The following CCDC122 variants were observed in gnomAD, a reference collection of about 807,000 sequenced individuals.
CCDC122 encodes the protein coiled-coil domain-containing protein 122.
A neutral mutation model predicts 37.0 loss-of-function variants in CCDC122; 38 were observed. The observed-to-expected ratio is 1.03, with a 90% confidence interval of 0.79 to 1.35. The LOEUF (loss-of-function observed/expected upper bound fraction) is 1.35, where lower values mean the gene tolerates loss of function less well. Among genes scored for constraint, CCDC122 ranks in the 40% most tolerant of loss-of-function variants. CCDC122 has a pLI of 0.00. For missense variants in CCDC122, 305 were observed against 310.0 expected (o/e 0.98, Z 0.12); for synonymous variants, 83 against 95.6 (o/e 0.87, Z 0.77).
intron 6 of CCDC122, among the ~76,000 whole-genome samples, chr13:43,839,894 A>G (rs1416576783): frequency 1.3e-5 from 2 of 152,226 alleles, no homozygotes; most frequent in African/African-American, 4.8e-5. Flanking sequence ...GCAGATTCAG[A>G]GACTCCAGGG....
At chr13:43,869,864 T>C (rs1220318906) in intron 2 of CCDC122, among the ~76,000 whole-genome samples, 1 of 152,104 alleles carries the variant, frequency 6.6e-6, no homozygotes, top group African/African-American at 2.4e-5. Context: ...ATATCAATAA[T>C]GATTAACAAT....
In CCDC122 at chr13:43,858,962, TCA is replaced by T. The variant is rs916919768; in HGVS notation, c.556-67_556-66del. On this transcript the variant is annotated intron_variant, in intron 5 of 6. Transcript: ENST00000444614. Reference sequence around the variant, plus strand: ...GGATGATCAATATAAATCCAATTTTTCAGTGTTTCTATAATTTAAGAAAACTA... The same window carrying T: ...GGATGATCAATATAAATCCAATTTTTGTGTTTCTATAATTTAAGAAAACTA... 8.1e-6 allele frequency: 10 copies of T among 1,229,156 alleles called. No individual in the cohort carries two copies. In the Admixed American group the frequency reaches 3.5e-4, roughly 43 times the overall value. 76.1% of individuals were successfully genotyped at this position (1,229,156 alleles called of 1,614,324 possible).
intron 4 of CCDC122, among the ~76,000 whole-genome samples, chr13:43,866,125 C>T (rs1052789270): frequency 6.6e-6 from 1 of 152,130 alleles, no homozygotes; most frequent in African/African-American, 2.4e-5. Context: ...CAGGACAATG[C>T]GAGATTTCAT....
intron 3 of CCDC122, among the ~76,000 whole-genome samples, chr13:43,824,844 T>C (rs1236146170): frequency 6.6e-6 from 1 of 152,202 alleles, no homozygotes; most frequent in Admixed American, 6.5e-5. Context: ...AAACCCACAA[T>C]GAGATACCAT....
intron 2 of CCDC122, among the ~76,000 whole-genome samples, chr13:43,873,857 A>G (rs535011668): frequency 6.6e-6 from 1 of 152,258 alleles, no homozygotes; most frequent in East Asian, 1.9e-4. Flanking sequence ...CGTCTTTTCC[A>G]TATCCTTCTA....
intron 6 of CCDC122, among the ~76,000 whole-genome samples, chr13:43,844,813 T>C (rs1270303878): frequency 6.6e-6 from 1 of 152,160 alleles, no homozygotes. Flanking sequence ...ATTCATCGTG[T>C]ATCTTTTTCC....
chr13:43,847,984 AG>A (rs1239659362), intron 6 of CCDC122, among the ~76,000 whole-genome samples: 7 of 152,184 alleles, frequency 4.6e-5, no homozygotes, highest in Non-Finnish European at 1.0e-4. Context: ...CATGCTGTCC[AG>A]GCTGGTCTCA....
chr13:43,828,756 A>G lies in CCDC122; in HGVS notation n.602-4745T>C, dbSNP rs749708868. 3.4e-4 allele frequency among the ~76,000 whole-genome samples: 52 copies of G among 152,148 alleles called. 1 individual carries two copies. Among genetic ancestry groups the G allele is most frequent in the Non-Finnish European group, 1.3e-4 (9 of 68,026 alleles). On this transcript the variant is annotated intron_variant and non_coding_transcript_variant, in intron 3 of 3. Coordinates refer to the CCDC122 transcript ENST00000470137. ...TGGGGCTCTCACACTGATCAGTGTGAGACAAATTTAATTTAAAGAACTAAA... is the reference window on the plus strand; with the variant it reads ...TGGGGCTCTCACACTGATCAGTGTGGGACAAATTTAATTTAAAGAACTAAA...
At chr13:43,869,288 T>C (rs2153878848) in intron 3 of CCDC122, 43 bp downstream of exon 3, 1 of 1,451,244 alleles carries the variant, frequency 6.9e-7, no homozygotes, top group Non-Finnish European at 9.6e-7. Context: ...TTTTTGTTGT[T>C]GCTGATCTTT....
intron 4 of CCDC122, among the ~76,000 whole-genome samples, chr13:43,865,019 A>G (rs1954229365): frequency 6.6e-6 from 1 of 152,126 alleles, no homozygotes; most frequent in Admixed American, 6.5e-5. Flanking sequence ...AAACATATTG[A>G]GGTGCTGGAA....
chr13:43,866,662 G>T (rs935920777), intron 4 of CCDC122, among the ~76,000 whole-genome samples: 3 of 151,956 alleles, frequency 2.0e-5, no homozygotes, highest in Non-Finnish European at 2.9e-5. Flanking sequence ...TGTCAAATTT[G>T]CCCCTAAGTA....
At chr13:43,826,059 C>T (rs939888476) in intron 3 of CCDC122, among the ~76,000 whole-genome samples, 7 of 152,148 alleles carry the variant, frequency 4.6e-5, no homozygotes, top group Admixed American at 2.6e-4. Flanking sequence ...CTTTAAAAAA[C>T]GCAAGTAGAA....
downstream of CCDC122, among the ~76,000 whole-genome samples, chr13:43,821,348 C>T (rs1357342781): frequency 1.3e-5 from 2 of 152,200 alleles, no homozygotes; most frequent in African/African-American, 4.8e-5. Context: ...CTCAGCCTCC[C>T]GAGTAGCTGG....
At position 43,869,445 on chromosome 13, in the gene CCDC122, T is replaced by C; in HGVS notation, c.-69A>G. 1 of 1,280,082 alleles carries C rather than the reference T, an allele frequency of 7.8e-7. No homozygotes were observed. The highest frequency in any genetic ancestry group is 1.1e-6 in the Non-Finnish European group (1 of 907,772). The allele number at this position is 1,280,082 out of a possible 1,614,324, so 79.3% of individuals were successfully genotyped here. A position where few individuals can be genotyped will look rare whatever the true frequency, so the allele number is the denominator to read the frequency against. On this transcript the variant is annotated 5_prime_UTR_variant, in exon 3 of 7. Coordinates refer to ENST00000444614, the MANE Select transcript of CCDC122 (RefSeq NM_144974.5). ...TTTACTCCTACTCAATAATCTATAT[T>C]GATAATCTTTCACTTTTGTTTTTTC...
chr13:43,855,689 AAAC>A (rs1759909764), intron 6 of CCDC122: 1 of 121,992 alleles, frequency 8.2e-6, no homozygotes, highest in South Asian at 3.2e-4. Flanking sequence ...AAATAAAACA[AAAC>A]AAACAAACAA....
intron 1 of CCDC122, chr13:43,877,705 T>A (rs772122182): frequency 5.3e-5 from 8 of 152,308 alleles, no homozygotes; most frequent in Non-Finnish European, 8.8e-5. Flanking sequence ...AAGAATGAAA[T>A]CATGTGGCCT....
downstream of CCDC122, among the ~76,000 whole-genome samples, chr13:43,832,142 A>T (rs1953095841): frequency 6.6e-6 from 1 of 151,964 alleles, no homozygotes; most frequent in Admixed American, 6.6e-5. Flanking sequence ...AAAAAAAAAA[A>T]AAAACTACTT....
At chr13:43,845,171 A>G (rs1294516773) in intron 6 of CCDC122, among the ~76,000 whole-genome samples, 2 of 152,122 alleles carry the variant, frequency 1.3e-5, no homozygotes, top group African/African-American at 4.8e-5. Flanking sequence ...ATTTTAATAT[A>G]TTCTCTTAAC....
intron 1 of CCDC122, chr13:43,877,781 T>G (rs942251176): frequency 2.0e-5 from 3 of 152,240 alleles, no homozygotes; most frequent in Non-Finnish European, 4.4e-5. Flanking sequence ...AACTTAATTA[T>G]GCATCTAACT....
Sources: allele counts gnomAD v4.1 joint callset (sites outside exome capture counted in the v4.1 genomes callset), GRCh38; gene constraint gnomAD v4.1.1; transcripts MANE v1.5; gene names NCBI Gene and HGNC (gene_info 2026-07-23, HGNC 2026-07-21).